The following EEF2K variants were observed in gnomAD, a reference collection of about 807,000 sequenced individuals.
EEF2K encodes the protein alternative protein EEF2K.
A neutral mutation model predicts 93.8 loss-of-function variants in EEF2K; 70 were observed. The observed-to-expected ratio is 0.75, with a 90% confidence interval of 0.62 to 0.91. EEF2K has a LOEUF of 0.91. Ranked by LOEUF, EEF2K falls within the 40% of genes least tolerant of loss-of-function variation. The pLI is 0.00. For missense variants in EEF2K, 935 were observed against 972.9 expected (o/e 0.96, Z 0.52); for synonymous variants, 376 against 380.8 (o/e 0.99, Z 0.15).
intron 17 of EEF2K, 40 bp from the exon 18 acceptor site, chr16:22,283,847 G>C (rs546101600): frequency 1.3e-6 from 2 of 1,550,852 alleles, no homozygotes; most frequent in African/African-American, 2.7e-5. Flanking sequence ...AAAAACAACA[G>C]GTGGTTCACC....
intron 17 of EEF2K, among the ~76,000 whole-genome samples, chr16:22,283,308 C>CAAAAAAAAAAAAAA (rs10540234): frequency 2.6e-5 from 2 of 75,866 alleles, no homozygotes; most frequent in Non-Finnish European, 2.7e-5. Flanking sequence ...GACTCCATCT[C>CAAAAAAAAAAAAAA]AAAAAAAAAA....
intron 12 of EEF2K, among the ~76,000 whole-genome samples, chr16:22,264,040 T>C (rs1180358587): frequency 6.6e-6 from 1 of 152,106 alleles, no homozygotes. Context: ...ATGCCTGTAA[T>C]CCCAGCACTT....
intron 2 of EEF2K, among the ~76,000 whole-genome samples, chr16:22,228,435 A>G (rs1442258421): frequency 6.6e-6 from 1 of 152,218 alleles, no homozygotes; most frequent in Non-Finnish European, 1.5e-5. Flanking sequence ...CAGCCTGGCC[A>G]ACATAGTGAA....
chr16:22,259,847 G>T (rs1284209090), intron 10 of EEF2K, among the ~76,000 whole-genome samples: 1 of 151,950 alleles, frequency 6.6e-6, no homozygotes. Flanking sequence ...CTACCTCCTG[G>T]GTTCAAGCGA....
In EEF2K at chr16:22,256,747, G is replaced by C. The variant is rs764479203; in HGVS notation, c.619-1G>C. On this transcript the variant is annotated splice_acceptor_variant, in intron 6 of 17. Coordinates refer to ENST00000263026, the MANE Select transcript of EEF2K (RefSeq NM_013302.5). LOFTEE classifies it high-confidence loss of function. ...CCTGAGCCCACTCCCCATCCCACCA[G>C]GTGGACATCATGCAGATGTGCATCA... The C allele has an allele frequency of 4.3e-6, 7 of 1,613,650 alleles. No individual in the cohort carries two copies. Among genetic ancestry groups the C allele is most frequent in the Non-Finnish European group, 5.9e-6 (7 of 1,179,886 alleles).
chr16:22,244,884 G>A lies in EEF2K; in HGVS notation c.347+154G>A, dbSNP rs540591000. Among the ~76,000 whole-genome samples the A allele has an allele frequency of 1.1e-4, 17 of 152,216 alleles. No homozygotes were observed. The South Asian group carries it at 3.3e-3, about 30-fold the overall frequency. ...GCATGCTAATGCGTGCTTAAGGCCC[G>A]GTGCATTACCTCACTGAATCCTTCT... On this transcript the variant is annotated intron_variant, in intron 3 of 17. Coordinates refer to ENST00000263026, the MANE Select transcript of EEF2K (RefSeq NM_013302.5).
intron 4 of EEF2K, among the ~76,000 whole-genome samples, 183 bp downstream of exon 4, chr16:22,248,998 G>A (rs534570001): frequency 1.4e-5 from 2 of 143,224 alleles, no homozygotes; most frequent in Non-Finnish European, 3.0e-5. Flanking sequence ...TTTTGAGACA[G>A]GGTCTCACTC....
chr16:22,229,783 A>G (rs775141855), intron 2 of EEF2K, among the ~76,000 whole-genome samples: 2 of 152,226 alleles, frequency 1.3e-5, no homozygotes, highest in Non-Finnish European at 2.9e-5. Flanking sequence ...GTGCAATACC[A>G]TTACCCTTTC....
intron 9 of EEF2K, among the ~76,000 whole-genome samples, chr16:22,258,133 A>G (rs1423973086): frequency 2.6e-5 from 4 of 152,112 alleles, no homozygotes; most frequent in Admixed American, 2.6e-4. Flanking sequence ...CACCTCACCA[A>G]CATACCTCCC....
chr16:22,237,882 ACATC>A (rs2047183109), intron 2 of EEF2K, among the ~76,000 whole-genome samples: 1 of 152,180 alleles, frequency 6.6e-6, no homozygotes, highest in Non-Finnish European at 1.5e-5. Flanking sequence ...ACAGACACAC[ACATC>A]CTTAGAAAAT....
intron 3 of EEF2K, 127 bp from the exon 4 acceptor site, chr16:22,248,627 TG>T: frequency 9.1e-7 from 1 of 1,095,134 alleles, no homozygotes; most frequent in African/African-American, 1.5e-5. Context: ...GGCTGGGCTA[TG>T]GGCCAAGGTG....
chr16:22,268,073 T>C (rs1402750833), intron 15 of EEF2K, among the ~76,000 whole-genome samples: 2 of 152,180 alleles, frequency 1.3e-5, no homozygotes, highest in Non-Finnish European at 2.9e-5. Context: ...AGTGGGTGAA[T>C]GGATCTCAGA....
At chr16:22,261,474 A>G (rs543729523) in intron 11 of EEF2K, among the ~76,000 whole-genome samples, 27 of 152,210 alleles carry the variant, frequency 1.8e-4, no homozygotes, top group African/African-American at 6.5e-4. Context: ...AGATCACTTG[A>G]GGTCAGGAAT....
intron 1 of EEF2K, among the ~76,000 whole-genome samples, chr16:22,209,340 T>C (rs1439203143): frequency 6.6e-6 from 1 of 152,122 alleles, no homozygotes; most frequent in Non-Finnish European, 1.5e-5. Context: ...AGGATGTCTT[T>C]AGGGTTGTTA....
At chr16:22,283,106 C>T (rs1047095004) in intron 17 of EEF2K, among the ~76,000 whole-genome samples, 10 of 152,004 alleles carry the variant, frequency 6.6e-5, no homozygotes, top group African/African-American at 2.2e-4. Context: ...GTCAGGAGAT[C>T]GAGACCAGGC....
chr16:22,271,368 T>C (rs1400246470), intron 15 of EEF2K, among the ~76,000 whole-genome samples: 3 of 152,014 alleles, frequency 2.0e-5, no homozygotes, highest in African/African-American at 4.8e-5. Flanking sequence ...CCCACATATA[T>C]GTAAATATAT....
At chr16:22,251,570 G>A (rs2047352785) in intron 6 of EEF2K, among the ~76,000 whole-genome samples, 1 of 152,042 alleles carries the variant, frequency 6.6e-6, no homozygotes, top group Non-Finnish European at 1.5e-5. Flanking sequence ...ACATACAGGT[G>A]CCTGCCACCA....
rs763192229 is a variant in EEF2K, at chr16:22,257,214, T to C, written c.769-39T>C. The stretch of plus-strand genomic sequence containing the variant: ...GCCAGTGCCTGCACAGACCTCAGCC[T>C]GTCTCTTGACATCTCGTTTTCCTTC... On this transcript the variant is annotated intron_variant, in intron 7 of 17. Transcript: ENST00000263026. 4 of 1,613,856 alleles carry C rather than the reference T, an allele frequency of 2.5e-6. No homozygotes were observed. In the Admixed American group the frequency reaches 6.7e-5, roughly 27 times the overall value.
At position 22,256,819 on chromosome 16, in the gene EEF2K, C is replaced by G; in HGVS notation, c.690C>G (p.His230Gln). 1 of 1,614,212 alleles carries G rather than the reference C, an allele frequency of 6.2e-7. No individual in the cohort carries two copies. Among genetic ancestry groups the G allele is most frequent in the Non-Finnish European group, 8.5e-7 (1 of 1,180,042 alleles). Residue 230 changes from histidine to glutamine, a missense_variant, in exon 7 of 18, where the codon CAC (histidine) becomes CAG (glutamine). Physicochemically the swap from His to Gln is conservative, Grantham distance 24. Transcript: ENST00000263026. The stretch of plus-strand genomic sequence containing the variant: ...GCAAGCCCCTCTTCCACCTGGAGCA[C>G]TACATCGAGGGCAAGTACATCAAGT... ...RPGKPLFHLEHYIEGKYIKYN... is the reference protein window; with the variant it reads ...RPGKPLFHLEQYIEGKYIKYN...
Sources: gnomAD v4.1 joint callset for allele counts (sites outside exome capture counted in the v4.1 genomes callset) on GRCh38, gnomAD v4.1.1 for gene constraint, MANE v1.5 for transcripts, NCBI Gene and HGNC (gene_info 2026-07-23, HGNC 2026-07-21) for gene names.